CSMD1: variants seen among roughly 807,000 people sequenced by gnomAD.
The protein encoded by CSMD1 is CUB and sushi domain-containing protein 1.
A neutral mutation model predicts 417.5 loss-of-function variants in CSMD1; 213 were observed. That is an observed-to-expected ratio of 0.51 (90% CI 0.46 to 0.57). The LOEUF (loss-of-function observed/expected upper bound fraction) is 0.57. Ranked by LOEUF, CSMD1 falls within the 20% of genes least tolerant of loss-of-function variation. The pLI, the probability that CSMD1 is intolerant of heterozygous loss-of-function variation, is 0.00. For missense variants in CSMD1, 6,923 were observed against 4,529.7 expected, an observed-to-expected ratio of 1.53 and a Z score of -15.17; for synonymous variants, 2,862 against 1,736.8, an observed-to-expected ratio of 1.65 and a Z score of -16.11.
intron 8 of CSMD1, 108 bp from the exon 9 acceptor site, chr8:3,586,368 A>G: frequency 1.2e-5 from 12 of 1,041,654 alleles, no homozygotes; most frequent in Non-Finnish European, 1.6e-5. Context: ...TTCAGTTAAA[A>G]CAGCCTAAGA....
At chr8:3,731,431 G>T (rs576393649) in intron 6 of CSMD1, among the ~76,000 whole-genome samples, 3 of 152,268 alleles carry the variant, frequency 2.0e-5, no homozygotes, top group Middle Eastern at 3.4e-3. Flanking sequence ...ACCTGGCATG[G>T]TCATGATAAT....
intron 3 of CSMD1, among the ~76,000 whole-genome samples, chr8:4,254,690 T>A (rs1187728524): frequency 6.6e-6 from 1 of 152,142 alleles, no homozygotes; most frequent in Admixed American, 6.5e-5. Flanking sequence ...TCACTCCATA[T>A]TTTTACCGTA....
rs1467548913 is a variant in CSMD1, at chr8:2,962,538, T to C, written c.9556A>G (p.Ile3186Val). 3.7e-6 allele frequency: 6 copies of C among 1,613,926 alleles called. No homozygotes were observed. The highest frequency in any genetic ancestry group is 3.4e-6 in the Non-Finnish European group (4 of 1,179,824). Residue 3186 changes from isoleucine (I) to valine (V), a missense_variant, in exon 61 of 70, where the codon ATA becomes GTA. Transcript: ENST00000635120. Reference protein sequence around the residue: ...EVFFQCKSPFILVGSSRRVCQ... With the variant: ...EVFFQCKSPFVLVGSSRRVCQ... ...ACTCTTCTGGAGGATCCCACGAGTATAAATGGAGATTTGCACTGGAAGAAG... is the reference window on the plus strand; with the variant it reads ...ACTCTTCTGGAGGATCCCACGAGTACAAATGGAGATTTGCACTGGAAGAAG...
chr8:3,325,905 AAAATATAAAGAAT>A (rs1385541461), intron 23 of CSMD1, among the ~76,000 whole-genome samples: 1 of 152,254 alleles, frequency 6.6e-6, no homozygotes, highest in African/African-American at 2.4e-5. Flanking sequence ...AGATCATCAC[AAAATATAAAGAAT>A]AATTCATTAT....
intron 2 of CSMD1, among the ~76,000 whole-genome samples, chr8:4,444,528 A>C (rs1798668850): frequency 1.3e-5 from 2 of 152,040 alleles, no homozygotes; most frequent in Admixed American, 1.3e-4. Context: ...TTAGCCACGG[A>C]GAACAATAAT....
At chr8:3,206,466 G>GC (rs1563142067) in intron 30 of CSMD1, among the ~76,000 whole-genome samples, 1 of 62,888 alleles carries the variant, frequency 1.6e-5, no homozygotes, top group African/African-American at 6.4e-5. Flanking sequence ...TGTGTGGGGG[G>GC]GTTATGTCTG....
intron 10 of CSMD1, among the ~76,000 whole-genome samples, chr8:3,556,083 A>G (rs912280817): frequency 2.3e-4 from 35 of 152,156 alleles, no homozygotes; most frequent in Admixed American, 7.9e-4. Flanking sequence ...GTATTATTCC[A>G]TATTCCACTA....
At chr8:4,153,292 G>C (rs1796666157) in intron 3 of CSMD1, among the ~76,000 whole-genome samples, 1 of 152,152 alleles carries the variant, frequency 6.6e-6, no homozygotes, top group African/African-American at 2.4e-5. Context: ...GTTTGACTCA[G>C]TTCATCTCCG....
chr8:3,290,849 C>T (rs950614936), intron 25 of CSMD1, among the ~76,000 whole-genome samples: 2 of 151,678 alleles, frequency 1.3e-5, no homozygotes, highest in Non-Finnish European at 2.9e-5. Flanking sequence ...CTGGCCGGAA[C>T]TTCCAACACT....
intron 3 of CSMD1, among the ~76,000 whole-genome samples, chr8:4,289,130 G>A (rs1221557131): frequency 6.6e-6 from 1 of 152,120 alleles, no homozygotes; most frequent in African/African-American, 2.4e-5. Context: ...GAATTAACTA[G>A]TTACAGTTCT....
chr8:3,892,335 T>C (rs574839125), intron 5 of CSMD1, among the ~76,000 whole-genome samples: 3 of 152,276 alleles, frequency 2.0e-5, no homozygotes, highest in South Asian at 4.2e-4. Flanking sequence ...CTTCAGCCTA[T>C]GTCTTCAAGA....
At chr8:3,298,509 A>T (rs1448598924) in intron 25 of CSMD1, among the ~76,000 whole-genome samples, 1 of 152,186 alleles carries the variant, frequency 6.6e-6, no homozygotes. Flanking sequence ...GCTGGAGTGC[A>T]ATGGAATGAT....
Position 4,134,598 on chromosome 8 carries a change from C to G in CSMD1, c.416-102499G>C, listed in dbSNP as rs145010966. Among the ~76,000 whole-genome samples, 358 of 152,336 alleles carry G rather than the reference C, an allele frequency of 2.4e-3. 6 individuals carry two copies. The highest frequency in any genetic ancestry group is 8.3e-3 in the African/African-American group (346 of 41,584). On this transcript the variant is annotated intron_variant, in intron 3 of 69. Coordinates refer to ENST00000635120, the MANE Select transcript of CSMD1 (RefSeq NM_033225.6). ...CCTAAGGAATGCATACAACTTCCAA[C>G]AAACACACCTACACACGTGCTACCT...
chr8:4,416,124 C>T (rs1157296683), intron 3 of CSMD1, among the ~76,000 whole-genome samples: 2 of 152,096 alleles, frequency 1.3e-5, no homozygotes, highest in African/African-American at 2.4e-5. Flanking sequence ...GTACAATTGC[C>T]TTACACTATG....
At chr8:3,101,329 T>A (rs1243803412) in intron 46 of CSMD1, among the ~76,000 whole-genome samples, 1 of 152,234 alleles carries the variant, frequency 6.6e-6, no homozygotes, top group African/African-American at 2.4e-5. Flanking sequence ...TGCCTCTCTT[T>A]CCTTAACAGG....
intron 2 of CSMD1, among the ~76,000 whole-genome samples, chr8:4,533,151 C>T (rs1178645880): frequency 6.6e-6 from 1 of 152,186 alleles, no homozygotes; most frequent in Non-Finnish European, 1.5e-5. Context: ...TTCTTTCACC[C>T]AGCTAATGTT....
At chr8:4,006,259 A>T (rs1816101841) in intron 4 of CSMD1, among the ~76,000 whole-genome samples, 1 of 152,186 alleles carries the variant, frequency 6.6e-6, no homozygotes, top group Non-Finnish European at 1.5e-5. Context: ...TCATTCACCC[A>T]CAGGATCATG....
intron 3 of CSMD1, among the ~76,000 whole-genome samples, chr8:4,213,364 A>T (rs963265060): frequency 1.3e-5 from 2 of 152,188 alleles, no homozygotes; most frequent in Admixed American, 6.5e-5. Flanking sequence ...GCACAAAAAA[A>T]GGCTATTCTT....
intron 5 of CSMD1, among the ~76,000 whole-genome samples, chr8:3,937,658 A>C (rs1010627325): frequency 6.6e-6 from 1 of 152,190 alleles, no homozygotes; most frequent in Non-Finnish European, 1.5e-5. Context: ...CAAACTTGCA[A>C]TATCTCTGAA....
Sources: allele counts gnomAD v4.1 joint callset (sites outside exome capture counted in the v4.1 genomes callset), GRCh38; gene constraint gnomAD v4.1.1; transcripts MANE v1.5; gene names NCBI Gene and HGNC (gene_info 2026-07-23, HGNC 2026-07-21).